The following KCNN2 variants were observed in gnomAD, a reference collection of about 807,000 sequenced individuals.
KCNN2 encodes small conductance calcium-activated potassium channel protein 2.
Under a neutral mutation model 55.5 loss-of-function variants are expected in KCNN2, and 24 were observed. That is an observed-to-expected ratio of 0.43 (90% CI 0.31 to 0.61). The LOEUF (loss-of-function observed/expected upper bound fraction) is 0.61. Ranked by LOEUF, KCNN2 falls within the 20% of genes least tolerant of loss-of-function variation. The pLI is 0.08. For synonymous variants in KCNN2, 431 were observed against 336.1 expected, an observed-to-expected ratio of 1.28 and a Z score of -3.09; for missense variants, 754 against 853.6, an observed-to-expected ratio of 0.88 and a Z score of 1.45.
rs573011759 is a variant in KCNN2, at chr5:114,335,729, A to G, written c.-184-25216A>G. Among the ~76,000 whole-genome samples the G allele has an allele frequency of 9.9e-5, 15 of 152,284 alleles. No individual in the cohort carries two copies. In the South Asian group the frequency reaches 3.1e-3, roughly 32 times the overall value. Reference sequence around the variant, plus strand: ...AAGCAGAACAAACAGTAGAGTCATGAGTGTTGCCAAAGTTTAGGGCTCAAG... The same window carrying G: ...AAGCAGAACAAACAGTAGAGTCATGGGTGTTGCCAAAGTTTAGGGCTCAAG... On this transcript the variant is annotated intron_variant, in intron 2 of 10. Transcript: ENST00000512097.
At chr5:114,363,860 A>T in intron 1 of KCNN2, 46 bp from the exon 2 acceptor site, 2 of 1,472,790 alleles carry the variant, frequency 1.4e-6, no homozygotes, top group Non-Finnish European at 1.9e-6. Flanking sequence ...GAAGGCGGTT[A>T]AAAGTGCTTC....
intron 2 of KCNN2, among the ~76,000 whole-genome samples, chr5:114,385,901 G>A (rs747658705): frequency 2.0e-5 from 3 of 151,680 alleles, no homozygotes; most frequent in African/African-American, 4.8e-5. Flanking sequence ...TATTAAGGCC[G>A]GGCGCAGTGG....
intron 2 of KCNN2, among the ~76,000 whole-genome samples, chr5:114,300,636 TCA>T (rs1282039780): frequency 2.6e-5 from 4 of 152,238 alleles, no homozygotes; most frequent in Non-Finnish European, 5.9e-5. Context: ...GGAGTTGTTC[TCA>T]GTTATTTGCT....
At chr5:114,068,901 C>T (rs1275453982) in intron 1 of KCNN2, among the ~76,000 whole-genome samples, 2 of 152,052 alleles carry the variant, frequency 1.3e-5, no homozygotes, top group Admixed American at 6.5e-5. Flanking sequence ...GGAACCTCCA[C>T]CATCCAGATT....
chr5:114,446,864 T>C (rs1326444882), intron 3 of KCNN2, among the ~76,000 whole-genome samples: 1 of 152,162 alleles, frequency 6.6e-6, no homozygotes, highest in Non-Finnish European at 1.5e-5. Flanking sequence ...ATCACACCAC[T>C]GCGCTCCAGA....
intron 2 of KCNN2, among the ~76,000 whole-genome samples, chr5:114,243,557 C>T (rs1486555065): frequency 6.6e-6 from 1 of 152,118 alleles, no homozygotes; most frequent in African/African-American, 2.4e-5. Flanking sequence ...ACTGTCATGG[C>T]TTGTGTTCAA....
At chr5:114,398,938 T>G (rs1471703951) in intron 2 of KCNN2, among the ~76,000 whole-genome samples, 6 of 152,226 alleles carry the variant, frequency 3.9e-5, no homozygotes, top group Non-Finnish European at 1.5e-5. Context: ...CATTGAACTT[T>G]TGTGCAGAGA....
At chr5:114,456,534 A>G (rs1561395530) in intron 3 of KCNN2, among the ~76,000 whole-genome samples, 3 of 152,228 alleles carry the variant, frequency 2.0e-5, no homozygotes, top group Non-Finnish European at 4.4e-5. Context: ...CAGCACACAG[A>G]TCAAGGAGTA....
At chr5:114,318,249 T>C (rs879321022) in intron 2 of KCNN2, among the ~76,000 whole-genome samples, 1 of 152,224 alleles carries the variant, frequency 6.6e-6, no homozygotes, top group Non-Finnish European at 1.5e-5. Flanking sequence ...TAAAGACAGG[T>C]TCTCTAAGTG....
At chr5:114,443,915 A>C (rs558320231) in intron 3 of KCNN2, among the ~76,000 whole-genome samples, 3 of 152,216 alleles carry the variant, frequency 2.0e-5, no homozygotes, top group Non-Finnish European at 4.4e-5. Context: ...TTGGGACCCA[A>C]TTATTAATGG....
In KCNN2 at chr5:114,399,940, T is replaced by G. The variant is rs551273589; in HGVS notation, c.1219-4498T>G. On this transcript the variant is annotated intron_variant, in intron 2 of 7. Coordinates refer to ENST00000673685, the MANE Select transcript of KCNN2 (RefSeq NM_021614.4). ...AGGGTTTTTTTTTTTGTTTTTTTTT[T>G]TTGTATTTCTATGTGGTTGGTGGTA... 4.6e-4 allele frequency among the ~76,000 whole-genome samples: 70 copies of G among 151,296 alleles called. 1 individual carries two copies. In the East Asian group the frequency reaches 0.012, roughly 25 times the overall value.
At chr5:114,306,731 C>T (rs1030941597) in intron 2 of KCNN2, among the ~76,000 whole-genome samples, 10 of 137,210 alleles carry the variant, frequency 7.3e-5, no homozygotes, top group East Asian at 2.1e-4. Context: ...GACCAAGTCT[C>T]GCTCTGTCAC....
At chr5:114,437,985 G>T (rs183758294) in intron 3 of KCNN2, among the ~76,000 whole-genome samples, 1 of 152,070 alleles carries the variant, frequency 6.6e-6, no homozygotes, top group South Asian at 2.1e-4. Context: ...ATGTTTAAAT[G>T]TTGTGACCAG....
intron 2 of KCNN2, among the ~76,000 whole-genome samples, chr5:114,350,820 C>A (rs1757192891): frequency 6.6e-6 from 1 of 151,814 alleles, no homozygotes; most frequent in African/African-American, 2.4e-5. Context: ...TCCTACATAT[C>A]TATGTTATGC....
intron 1 of KCNN2, among the ~76,000 whole-genome samples, chr5:114,165,018 A>G (rs915228612): frequency 2.0e-5 from 3 of 152,212 alleles, no homozygotes; most frequent in Non-Finnish European, 2.9e-5. Flanking sequence ...TTTAAGTAAC[A>G]GTAACTTGCC....
At chr5:114,486,995 T>C in intron 5 of KCNN2, 55 bp from the exon 6 acceptor site, 1 of 1,603,048 alleles carries the variant, frequency 6.2e-7, no homozygotes, top group South Asian at 1.1e-5. Flanking sequence ...CCCAGCAAAG[T>C]TACAAAGGAT....
chr5:114,139,442 C>T (rs1013956389), intron 1 of KCNN2, among the ~76,000 whole-genome samples: 5 of 145,410 alleles, frequency 3.4e-5, no homozygotes, highest in African/African-American at 1.3e-4. Context: ...AGCAAAGGAA[C>T]ACACACTCAC....
chr5:114,198,419 C>T (rs1030185537), intron 1 of KCNN2, among the ~76,000 whole-genome samples: 23 of 146,698 alleles, frequency 1.6e-4, no homozygotes, highest in African/African-American at 3.3e-4. Context: ...CATACATATA[C>T]GTATATATGT....
chr5:114,126,996 G>T lies in KCNN2; in HGVS notation c.-271+70496G>T, dbSNP rs138989787. ...CTTTGACTCCATGTCTGATATCCAG[G>T]TCGCGCTGATGCAAGAGATGGGCTC... On this transcript the variant is annotated intron_variant, in intron 1 of 10. Transcript: ENST00000512097. Among the ~76,000 whole-genome samples the T allele has an allele frequency of 3.3e-5, 5 of 152,310 alleles. No individual in the cohort carries two copies. In the East Asian group the frequency reaches 9.7e-4, roughly 30 times the overall value.
Sources: gnomAD v4.1 joint callset for allele counts (sites outside exome capture counted in the v4.1 genomes callset) on GRCh38, gnomAD v4.1.1 for gene constraint, MANE v1.5 for transcripts, NCBI Gene and HGNC (gene_info 2026-07-23, HGNC 2026-07-21) for gene names.